The following MYADML2 variants were observed in gnomAD, a reference collection of about 807,000 sequenced individuals.
MYADML2 encodes myeloid-associated differentiation marker-like protein 2.
Under a neutral mutation model 16.0 loss-of-function variants are expected in MYADML2, and 17 were observed. The ratio of observed to expected loss-of-function variants is 1.06; its 90% CI spans 0.73 to 1.60. The LOEUF (loss-of-function observed/expected upper bound fraction) is 1.60, where lower values mean the gene tolerates loss of function less well. Ranked by LOEUF, MYADML2 falls within the 40% of genes most tolerant of loss-of-function variation. The pLI is 0.00. For missense variants in MYADML2, 422 were observed against 437.7 expected (o/e 0.96, Z 0.32); for synonymous variants, 210 against 208.1 (o/e 1.01, Z -0.08).
intron 1 of MYADML2, among the ~76,000 whole-genome samples, chr17:81,946,502 G>T (rs1224833823): frequency 3.3e-5 from 5 of 151,352 alleles, no homozygotes; most frequent in Non-Finnish European, 7.4e-5. Context: ...CAAAAAATTA[G>T]CCAGGTGTGG....
Position 81,939,763 on chromosome 17 carries a change from C to A in MYADML2, c.*1055G>T, listed in dbSNP as rs1000947527. 2.0e-5 allele frequency: 3 copies of A among 152,268 alleles called. No individual in the cohort carries two copies. Among genetic ancestry groups the A allele is most frequent in the Admixed American group, 2.0e-4 (3 of 15,290 alleles). The allele number at this position is 152,268 out of a possible 1,614,324, so 9.4% of individuals were successfully genotyped here. A position where few individuals can be genotyped will look rare whatever the true frequency, so the allele number is the denominator to read the frequency against. Reference sequence around the variant, plus strand: ...TTGGACTCAGGGGTGGCCAGTGGGTCAGCTCCTGGCTGGACCAGGCTGGGC... The same window carrying A: ...TTGGACTCAGGGGTGGCCAGTGGGTAAGCTCCTGGCTGGACCAGGCTGGGC... On this transcript the variant is annotated 3_prime_UTR_variant, in exon 3 of 3. Transcript: ENST00000409745.
rs1199351869 is a variant in MYADML2 at position 81,942,853 on chromosome 17, TC to T, written c.-180-481del. Among the ~76,000 whole-genome samples, 1 of 151,012 alleles carries T rather than the reference TC, an allele frequency of 6.6e-6. No individual in the cohort carries two copies. The highest frequency in any genetic ancestry group is 1.5e-5 in the Non-Finnish European group (1 of 67,662). ...GGCGTGAGCCACTAGGTCCGGCCCC[TC>T]TTTTTTTTCGAGATAGGGTCTAGCT... On this transcript the variant is annotated intron_variant, in intron 1 of 2. Coordinates refer to ENST00000409745, the MANE Select transcript of MYADML2 (RefSeq NM_001145113.3). The surrounding 1 kb of genome is among the most constrained non-coding windows in gnomAD (Gnocchi z 4.4).
rs573720363 is a variant in MYADML2 at position 81,946,596 on chromosome 17, C to T, written c.-181+463G>A. Among the ~76,000 whole-genome samples, 77 of 151,926 alleles carry T rather than the reference C, an allele frequency of 5.1e-4. No individual in the cohort carries two copies. The East Asian group carries it at 8.7e-3, about 17-fold the overall frequency. Reference sequence around the variant, plus strand: ...CCGGGAGGCAGAGCTTGCAGTGAGCCGAGATCGCGCCACTGCACTCCAGCC... The same window carrying T: ...CCGGGAGGCAGAGCTTGCAGTGAGCTGAGATCGCGCCACTGCACTCCAGCC... On this transcript the variant is annotated intron_variant, in intron 1 of 2. Coordinates refer to ENST00000409745, the MANE Select transcript of MYADML2 (RefSeq NM_001145113.3).
chr17:81,941,822 G>A lies in MYADML2; in HGVS notation c.-81C>T, dbSNP rs4796852. ...GGGCCAAGGCCCCTCAGTCCTCTGC[G>A]GTAGTGGCAGGTGCCTGCAGCCTGC... On this transcript the variant is annotated 5_prime_UTR_variant, in exon 3 of 3. Coordinates refer to ENST00000409745, the MANE Select transcript of MYADML2 (RefSeq NM_001145113.3). The A allele has an allele frequency of 0.58, 778,870 of 1,352,906 alleles. 227,932 individuals are homozygous for A. The highest frequency in any genetic ancestry group is 0.6 in the Non-Finnish European group (613,099 of 1,013,686). 83.8% of individuals were successfully genotyped at this position (1,352,906 alleles called of 1,614,324 possible).
rs757112490 is a variant in MYADML2 at position 81,941,422 on chromosome 17, G to A, written c.320C>T (p.Pro107Leu). ...LLCATAAVLY[P>L]LYFARRECSP... ...ACACTCCCGCCGGGCAAAGTACAGC[G>A]GATACAGGACCGCAGCCGTCGCGCA... The change falls in exon 3 of 3, where the codon CCG becomes CTG. Residue 107 changes from proline (P) to leucine (L), a missense_variant. Transcript: ENST00000409745. 15 of 1,549,248 alleles carry A rather than the reference G, an allele frequency of 9.7e-6. No homozygotes were observed. The highest frequency in any genetic ancestry group is 5.5e-5 in the African/African-American group (4 of 73,040).
At chr17:81,945,687 G>A (rs1322776488) in intron 1 of MYADML2, among the ~76,000 whole-genome samples, 1 of 150,800 alleles carries the variant, frequency 6.6e-6, no homozygotes, top group Non-Finnish European at 1.5e-5. Context: ...GGGCAACGGA[G>A]TGAGACTCCA....
rs751899590 is a variant in MYADML2 at position 81,941,244 on chromosome 17, G to A, written c.498C>T (p.Leu166=). Residue 166 remains leucine (L), a synonymous_variant, in exon 3 of 3, where the codon CTC becomes CTT. Transcript: ENST00000409745. ...CCACGAAGGCCTGGACGATCTTGAG[G>A]AGCCCCGACACCGTGGCCATATAGC... ...VSSYMATVSG[L]LKIVQAFVAC... 1.7e-5 allele frequency: 27 copies of A among 1,550,012 alleles called. No individual in the cohort carries two copies. The highest frequency in any genetic ancestry group is 2.7e-5 in the African/African-American group (2 of 73,042).
chr17:81,945,505 C>G (rs1321225098), intron 1 of MYADML2, among the ~76,000 whole-genome samples: 3 of 151,654 alleles, frequency 2.0e-5, no homozygotes, highest in Non-Finnish European at 4.4e-5. Flanking sequence ...TGCCACTGCA[C>G]TCCAGCCTGG....
Position 81,941,572 on chromosome 17 carries a change from G to T in MYADML2, c.170C>A (p.Ala57Asp). 6.5e-7 allele frequency: 1 copy of T among 1,548,442 alleles called. No homozygotes were observed. ...AGAGACGGCGAAGCAGAAGCCCCAGGCGGCCATGCAGAAGGTGCCCTGGAC... is the reference window on the plus strand; with the variant it reads ...AGAGACGGCGAAGCAGAAGCCCCAGTCGGCCATGCAGAAGGTGCCCTGGAC... ...AGVQGTFCMA[A>D]WGFCFAVSAL... Residue 57 changes from alanine (A) to aspartate (D), a missense_variant, in exon 3 of 3, where the codon GCC becomes GAC. Transcript: ENST00000409745.
Position 81,941,129 on chromosome 17 carries a change from A to C in MYADML2, c.613T>G (p.Phe205Val). The C allele has an allele frequency of 6.5e-7, 1 of 1,550,310 alleles. No individual in the cohort carries two copies. The highest frequency in any genetic ancestry group is 8.7e-7 in the Non-Finnish European group (1 of 1,146,984). ...QWCVAVYSLCFLATVAVVALS... is the reference protein window; with the variant it reads ...QWCVAVYSLCVLATVAVVALS... ...GCCACCACGGCCACTGTGGCCAGGA[A>C]GCACAGGCTGTAGACGGCCACGCAC... Residue 205 changes from phenylalanine to valine, a missense_variant, in exon 3 of 3, where the codon TTC (phenylalanine) becomes GTC (valine). Physicochemically the swap from Phe to Val is conservative, Grantham distance 50. Coordinates refer to ENST00000409745, the MANE Select transcript of MYADML2 (RefSeq NM_001145113.3).
intron 1 of MYADML2, among the ~76,000 whole-genome samples, chr17:81,943,402 T>C (rs2041320703): frequency 6.7e-6 from 1 of 149,542 alleles, no homozygotes; most frequent in African/African-American, 2.5e-5. Flanking sequence ...TTTTTTTTCT[T>C]TTTTTCTTTT....
intron 1 of MYADML2, among the ~76,000 whole-genome samples, chr17:81,945,567 T>C (rs2041338630): frequency 6.7e-6 from 1 of 149,410 alleles, no homozygotes; most frequent in Non-Finnish European, 1.5e-5. Flanking sequence ...CTAAGTGTAG[T>C]GGCACATGCC....
chr17:81,943,084 T>A (rs970124043), intron 1 of MYADML2, among the ~76,000 whole-genome samples: 1 of 152,114 alleles, frequency 6.6e-6, no homozygotes, highest in Non-Finnish European at 1.5e-5. Flanking sequence ...CTTTTTTTTT[T>A]TTTGAGACGG....
chr17:81,944,007 G>A (rs2041324983), intron 1 of MYADML2, among the ~76,000 whole-genome samples: 1 of 151,780 alleles, frequency 6.6e-6, no homozygotes. Flanking sequence ...AGCTACTCAG[G>A]AGGCTGAGGC....
At chr17:81,946,514 A>G (rs1243106108) in intron 1 of MYADML2, among the ~76,000 whole-genome samples, 13 of 145,548 alleles carry the variant, frequency 8.9e-5, no homozygotes, top group African/African-American at 1.8e-4. Context: ...CAGGTGTGGC[A>G]GTGGGCGCTG....
At chr17:81,941,920 G>A (rs951553538) in intron 2 of MYADML2, 77 bp from the exon 3 acceptor site, 14 of 594,040 alleles carry the variant, frequency 2.4e-5, no homozygotes, top group South Asian at 1.3e-4. Flanking sequence ...TCCCCCCAGC[G>A]CTATAAATAG....
In MYADML2 at chr17:81,946,096, T is replaced by C. The variant is rs141450520; in HGVS notation, c.-181+963A>G. Among the ~76,000 whole-genome samples the C allele has an allele frequency of 3.8e-3, 580 of 152,210 alleles. 2 individuals are homozygous for C. Among genetic ancestry groups the C allele is most frequent in the Non-Finnish European group, 5.9e-3 (399 of 68,034 alleles). ...CTGGCCCGGCGCGGTGGGTCACGCCTGTAATCCCAGCACGTTGAGAGGCTG... is the reference window on the plus strand; with the variant it reads ...CTGGCCCGGCGCGGTGGGTCACGCCCGTAATCCCAGCACGTTGAGAGGCTG... On this transcript the variant is annotated intron_variant, in intron 1 of 2. Transcript: ENST00000409745.
At chr17:81,946,561 T>C (rs2041349019) in intron 1 of MYADML2, among the ~76,000 whole-genome samples, 1 of 151,488 alleles carries the variant, frequency 6.6e-6, no homozygotes, top group South Asian at 2.1e-4. Context: ...GACAGGAGAA[T>C]GGCGTGAACC....
chr17:81,945,350 T>G (rs538462665), intron 1 of MYADML2, among the ~76,000 whole-genome samples: 2 of 151,952 alleles, frequency 1.3e-5, no homozygotes, highest in South Asian at 4.2e-4. Flanking sequence ...CCATCCTGGC[T>G]AACACAGTGA....
Sources: allele counts gnomAD v4.1 joint callset (sites outside exome capture counted in the v4.1 genomes callset), GRCh38; gene constraint gnomAD v4.1.1; non-coding constraint Gnocchi (gnomAD v3.1); transcripts MANE v1.5; gene names NCBI Gene and HGNC (gene_info 2026-07-23, HGNC 2026-07-21).